The following TCF7L2 variants were observed in gnomAD, a reference collection of about 807,000 sequenced individuals.
TCF7L2 encodes transcription factor 7 like 2, also known as transcription factor 7-like 2.
TCF7L2 carries 23 observed loss-of-function variants against 77.9 expected under a neutral mutation model. The ratio of observed to expected loss-of-function variants is 0.30; its 90% confidence interval spans 0.21 to 0.42. TCF7L2 has a LOEUF of 0.42. Ranked by LOEUF, TCF7L2 falls within the 10% of genes least tolerant of loss-of-function variation. The pLI is 1.00. For synonymous variants in TCF7L2, 413 were observed against 340.2 expected (o/e 1.21, Z -2.36); for missense variants, 654 against 793.1 (o/e 0.82, Z 2.11).
chr10:113,097,877 C>A (rs1177719232), intron 5 of TCF7L2, among the ~76,000 whole-genome samples: 2 of 150,980 alleles, frequency 1.3e-5, no homozygotes, highest in African/African-American at 4.9e-5. Flanking sequence ...CATGGTGAAA[C>A]CCTGTCTTTG....
chr10:113,022,630 C>T (rs866220805), intron 4 of TCF7L2, among the ~76,000 whole-genome samples: 3 of 152,150 alleles, frequency 2.0e-5, no homozygotes, highest in Admixed American at 6.5e-5. Context: ...TAAAATCTTG[C>T]AACATCTCAA....
chr10:113,025,565 G>A (rs1481483709), intron 4 of TCF7L2, among the ~76,000 whole-genome samples: 1 of 152,050 alleles, frequency 6.6e-6, no homozygotes, highest in Non-Finnish European at 1.5e-5. Flanking sequence ...ATTTTTTGTA[G>A]AGACAGGGTT....
chr10:112,994,929 A>T (rs1194918842), intron 4 of TCF7L2, among the ~76,000 whole-genome samples: 1 of 152,078 alleles, frequency 6.6e-6, no homozygotes, highest in Non-Finnish European at 1.5e-5. Flanking sequence ...GCGAAACCCC[A>T]TCTCTACTAA....
At chr10:113,060,278 A>G (rs1446535398) in intron 5 of TCF7L2, among the ~76,000 whole-genome samples, 1 of 152,204 alleles carries the variant, frequency 6.6e-6, no homozygotes, top group African/African-American at 2.4e-5. Context: ...TCACACTTGA[A>G]TTTACTTGAT....
chr10:113,102,541 C>T (rs1428454448), intron 5 of TCF7L2, among the ~76,000 whole-genome samples: 1 of 151,746 alleles, frequency 6.6e-6, no homozygotes. Context: ...TCTCCTGCCT[C>T]AGCCTCCCGA....
In TCF7L2 at chr10:113,093,602, A is replaced by G. The variant is rs192810680; in HGVS notation, c.553-47582A>G. Among the ~76,000 whole-genome samples the G allele has an allele frequency of 8.7e-4, 132 of 152,310 alleles. 1 individual carries two copies. Among genetic ancestry groups the G allele is most frequent in the African/African-American group, 3.0e-3 (123 of 41,568 alleles). On this transcript the variant is annotated intron_variant, in intron 5 of 13. Coordinates refer to ENST00000627217, the MANE Select transcript of TCF7L2 (RefSeq NM_001146274.2). Reference sequence around the variant, plus strand: ...ATTCAGCCAGATTCGAACCCTTTAGATCCCTTCCTCTAGGGAATTAAGGTT... The same window carrying G: ...ATTCAGCCAGATTCGAACCCTTTAGGTCCCTTCCTCTAGGGAATTAAGGTT...
intron 5 of TCF7L2, among the ~76,000 whole-genome samples, chr10:113,138,764 T>G (rs1013570420): frequency 5.3e-5 from 8 of 152,298 alleles, no homozygotes; most frequent in Admixed American, 6.5e-5. Flanking sequence ...CCTGTGTGCG[T>G]GTGGTCCTCA....
At chr10:113,077,873 A>G (rs1424110856) in intron 5 of TCF7L2, among the ~76,000 whole-genome samples, 9 of 104,058 alleles carry the variant, frequency 8.6e-5, no homozygotes, top group Non-Finnish European at 1.8e-4. Context: ...TTATTTATTT[A>G]TTTATTTATT....
At chr10:113,123,933 A>T (rs2065175834) in intron 5 of TCF7L2, among the ~76,000 whole-genome samples, 1 of 152,246 alleles carries the variant, frequency 6.6e-6, no homozygotes, top group Non-Finnish European at 1.5e-5. Context: ...CTTGTTGGAT[A>T]TAAAGAGCAC....
At chr10:113,135,708 C>T (rs1048012048) in intron 5 of TCF7L2, among the ~76,000 whole-genome samples, 2 of 152,176 alleles carry the variant, frequency 1.3e-5, no homozygotes, top group African/African-American at 4.8e-5. Context: ...TGTCTTTACC[C>T]CTTCCATCCC....
chr10:113,038,109 T>G (rs998338446), intron 4 of TCF7L2, among the ~76,000 whole-genome samples: 35 of 152,028 alleles, frequency 2.3e-4, no homozygotes, highest in African/African-American at 8.2e-4. Flanking sequence ...TATTTGGAAG[T>G]GATGAGATGG....
At chr10:113,077,849 C>A (rs1395133213) in intron 5 of TCF7L2, among the ~76,000 whole-genome samples, 1 of 148,272 alleles carries the variant, frequency 6.7e-6, no homozygotes, top group East Asian at 2.0e-4. Flanking sequence ...TGCCACCACG[C>A]CTGGCTTGCT....
intron 4 of TCF7L2, among the ~76,000 whole-genome samples, chr10:112,966,465 C>T (rs1589774266): frequency 6.6e-6 from 1 of 151,988 alleles, no homozygotes; most frequent in South Asian, 2.1e-4. Context: ...AGAGAACAAG[C>T]CCAAACCCTA....
At chr10:113,084,152 G>A (rs2059590983) in intron 5 of TCF7L2, among the ~76,000 whole-genome samples, 1 of 152,206 alleles carries the variant, frequency 6.6e-6, no homozygotes, top group African/African-American at 2.4e-5. Flanking sequence ...CCAATAGGAT[G>A]TATGTGTTTA....
intron 5 of TCF7L2, among the ~76,000 whole-genome samples, chr10:113,043,638 A>C (rs2052871594): frequency 6.6e-6 from 1 of 151,794 alleles, no homozygotes. Context: ...TGGACTTCTT[A>C]ACAACTCAGA....
In TCF7L2 at chr10:113,157,871, G is replaced by A; in HGVS notation, c.1270-150G>A. ...ATGCAAGGGCATTTGGCTTGAAGCG[G>A]GGTTGGAGGTTGGACAAATACCGGG... On this transcript the variant is annotated intron_variant, in intron 11 of 13. Transcript: ENST00000627217. The A allele has an allele frequency of 4.0e-6, 3 of 741,870 alleles. No individual in the cohort carries two copies. The South Asian group carries it at 5.3e-5, about 13-fold the overall frequency. 46.0% of individuals were successfully genotyped at this position (741,870 alleles called of 1,614,324 possible).
chr10:113,053,828 T>C (rs966562001), intron 5 of TCF7L2, among the ~76,000 whole-genome samples: 1 of 152,176 alleles, frequency 6.6e-6, no homozygotes, highest in African/African-American at 2.4e-5. Flanking sequence ...GAGCTATTGT[T>C]ATTATCCCGA....
intron 5 of TCF7L2, among the ~76,000 whole-genome samples, chr10:113,066,918 A>T (rs2057336009): frequency 6.6e-6 from 1 of 152,200 alleles, no homozygotes; most frequent in East Asian, 1.9e-4. Flanking sequence ...CCATCTCCTC[A>T]TTGGGAGGAG....
intron 4 of TCF7L2, among the ~76,000 whole-genome samples, chr10:113,018,139 A>G (rs762338774): frequency 1.3e-5 from 2 of 152,162 alleles, no homozygotes; most frequent in Non-Finnish European, 2.9e-5. Context: ...TAACACATAC[A>G]TTTATATTGT....
Sources: allele counts gnomAD v4.1 joint callset (sites outside exome capture counted in the v4.1 genomes callset), GRCh38; gene constraint gnomAD v4.1.1; transcripts MANE v1.5; gene names NCBI Gene and HGNC (gene_info 2026-07-23, HGNC 2026-07-21).